PCDH11X: variants seen among roughly 807,000 people sequenced by gnomAD.
The protein encoded by PCDH11X is protocadherin 11 X-linked.
A neutral mutation model predicts 53.3 loss-of-function variants in PCDH11X; 18 were observed. The observed-to-expected ratio is 0.34, with a 90% CI of 0.23 to 0.50. The LOEUF (loss-of-function observed/expected upper bound fraction) is 0.50, where lower values mean the gene tolerates loss of function less well. PCDH11X is among the 20% of genes least tolerant of loss of function. PCDH11X has a pLI of 0.98. For synonymous variants in PCDH11X, 279 were observed against 393.3 expected (o/e 0.71, Z 3.44); for missense variants, 570 against 1,032.4 (o/e 0.55, Z 6.14).
At chrX:92,232,530 T>G (rs2067094756) in intron 7 of PCDH11X, among the ~76,000 whole-genome samples, 1 of 111,811 alleles carries the variant, frequency 8.9e-6, no homozygotes, top group Non-Finnish European at 1.9e-5. Flanking sequence ...AGGGCAGACA[T>G]CTCTACTCAT....
At chrX:92,402,703 T>G (rs1474589100) in intron 9 of PCDH11X, among the ~76,000 whole-genome samples, 3 of 111,051 alleles carry the variant, frequency 2.7e-5, no homozygotes, top group Admixed American at 9.6e-5. Flanking sequence ...GCATCCATTC[T>G]CGACATAGGA....
At chrX:92,430,416 T>G (rs1441826938) in intron 9 of PCDH11X, among the ~76,000 whole-genome samples, 6 of 91,244 alleles carry the variant, frequency 6.6e-5, no homozygotes, top group Non-Finnish European at 1.2e-4. Context: ...TGGTGTTTAC[T>G]TTCTCTGATA....
At chrX:92,602,591 G>A (rs1377307005) in intron 10 of PCDH11X, among the ~76,000 whole-genome samples, 1 of 103,830 alleles carries the variant, frequency 9.6e-6, no homozygotes, top group Admixed American at 1.0e-4. Flanking sequence ...GAAAAATCAG[G>A]GAAAGAGACT....
chrX:92,368,304 A>G (rs1164585871), intron 8 of PCDH11X, among the ~76,000 whole-genome samples: 2 of 111,315 alleles, frequency 1.8e-5, no homozygotes, highest in Non-Finnish European at 3.8e-5. Context: ...ATACTTGTGT[A>G]TGGTTCACAA....
At chrX:92,122,782 C>A (rs1429164660) in intron 6 of PCDH11X, among the ~76,000 whole-genome samples, 1 of 109,735 alleles carries the variant, frequency 9.1e-6, no homozygotes, top group Non-Finnish European at 1.9e-5. Flanking sequence ...ACTAAAATTG[C>A]AAAACTTACC....
intron 10 of PCDH11X, among the ~76,000 whole-genome samples, chrX:92,573,214 G>T: frequency 9.0e-6 from 1 of 110,841 alleles, no homozygotes; most frequent in Middle Eastern, 4.7e-3. Flanking sequence ...CTTTGCCTTG[G>T]TTTTCTATTC....
intron 10 of PCDH11X, among the ~76,000 whole-genome samples, chrX:92,582,361 G>T (rs1727439152): frequency 9.1e-6 from 1 of 110,395 alleles, no homozygotes; most frequent in Admixed American, 9.7e-5. Context: ...TGTCCCAGCT[G>T]CTCTAGCCAT....
chrX:92,602,782 A>G (rs1926380238), intron 10 of PCDH11X, among the ~76,000 whole-genome samples: 1 of 90,869 alleles, frequency 1.1e-5, no homozygotes, highest in African/African-American at 4.7e-5. Flanking sequence ...CAGAGAGGGT[A>G]GTGGTATCAG....
At chrX:91,928,762 T>C (rs1213016531) in intron 6 of PCDH11X, among the ~76,000 whole-genome samples, 1 of 109,980 alleles carries the variant, frequency 9.1e-6, no homozygotes, top group Non-Finnish European at 1.9e-5. Context: ...TGATCTGATA[T>C]AATATCCTTC....
At chrX:91,863,606 T>A (rs1938806040) in intron 5 of PCDH11X, among the ~76,000 whole-genome samples, 1 of 111,731 alleles carries the variant, frequency 9.0e-6, no homozygotes, top group African/African-American at 3.2e-5. Flanking sequence ...TGAATAATAT[T>A]GATAAGTAAG....
chrX:92,536,645 A>C (rs1333534538), intron 10 of PCDH11X, among the ~76,000 whole-genome samples: 1 of 92,128 alleles, frequency 1.1e-5, no homozygotes, highest in Non-Finnish European at 2.1e-5. Context: ...TGTCTCTTGG[A>C]TAAAAGCCTT....
At chrX:92,387,568 T>C in intron 8 of PCDH11X, 167 bp from the exon 9 acceptor site, 1 of 628,696 alleles carries the variant, frequency 1.6e-6, no homozygotes, top group East Asian at 1.6e-4. Flanking sequence ...TGAAGAAGGT[T>C]TGAACACAGA....
chrX:92,239,295 T>C (rs1207171206), intron 7 of PCDH11X, among the ~76,000 whole-genome samples: 1 of 111,535 alleles, frequency 9.0e-6, no homozygotes, highest in Non-Finnish European at 1.9e-5. Context: ...AGTTAATTTA[T>C]ATATAGATTG....
intron 10 of PCDH11X, among the ~76,000 whole-genome samples, chrX:92,561,871 C>A (rs1222046388): frequency 1.9e-5 from 2 of 105,803 alleles, no homozygotes; most frequent in East Asian, 3.1e-4. Context: ...ACCACACTCC[C>A]AAAGGTCATT....
At chrX:92,005,220 T>C (rs1235586849) in intron 6 of PCDH11X, among the ~76,000 whole-genome samples, 1 of 111,402 alleles carries the variant, frequency 9.0e-6, no homozygotes, top group African/African-American at 3.3e-5. Context: ...AAGGACCTAC[T>C]CTTGCCATTT....
intron 9 of PCDH11X, among the ~76,000 whole-genome samples, chrX:92,416,699 T>C: frequency 9.0e-6 from 1 of 111,140 alleles, no homozygotes. Context: ...TATGCTTTTA[T>C]CAAAGTATCA....
At chrX:91,944,699 G>A (rs1602537864) in intron 6 of PCDH11X, among the ~76,000 whole-genome samples, 2 of 109,603 alleles carry the variant, frequency 1.8e-5, no homozygotes, top group Middle Eastern at 9.7e-3. Context: ...AATTATGTAT[G>A]GGTTTACTTT....
chrX:91,920,427 A>G (rs1941704457), intron 6 of PCDH11X, among the ~76,000 whole-genome samples: 1 of 108,164 alleles, frequency 9.2e-6, no homozygotes, highest in African/African-American at 3.4e-5. Context: ...TCAGTAAACA[A>G]TTGAAAACAC....
At chrX:92,029,973 A>AT (rs1014846777) in intron 6 of PCDH11X, among the ~76,000 whole-genome samples, 22 of 111,663 alleles carry the variant, frequency 2.0e-4, no homozygotes, top group Non-Finnish European at 3.0e-4. Flanking sequence ...CTATATTTCA[A>AT]TTTTTTTTGA....
Sources: allele counts gnomAD v4.1 joint callset (sites outside exome capture counted in the v4.1 genomes callset), GRCh38; gene constraint gnomAD v4.1.1; transcripts MANE v1.5; gene names NCBI Gene and HGNC (gene_info 2026-07-23, HGNC 2026-07-21).